EP300: variants seen among roughly 807,000 people sequenced by gnomAD.
EP300 encodes histone acetyltransferase p300.
In EP300, 31 loss-of-function variants were observed where a neutral mutation model predicts 264.0. The observed-to-expected ratio is 0.12, with a 90% confidence interval of 0.09 to 0.16. EP300 has a LOEUF of 0.16. EP300 is among the 10% of genes least tolerant of loss of function. The probability of loss-of-function intolerance (pLI) is 1.00; values close to 1 mark genes in which losing one functional copy is unlikely to be tolerated. For synonymous variants in EP300, 1,340 were observed against 1,045.4 expected (o/e 1.28, Z -5.44); for missense variants, 2,766 against 3,052.9 (o/e 0.91, Z 2.21).
chr22:41,168,341 A>C, intron 23 of EP300, 108 bp from the exon 24 acceptor site: 1 of 1,364,670 alleles, frequency 7.3e-7, no homozygotes, highest in Non-Finnish European at 1.0e-6. Flanking sequence ...AATTTCACCA[A>C]GTTATCCTGT....
chr22:41,113,418 C>T (rs1421809367), intron 1 of EP300, among the ~76,000 whole-genome samples: 1 of 151,894 alleles, frequency 6.6e-6, no homozygotes, highest in African/African-American at 2.4e-5. Flanking sequence ...TTTCCTGTTT[C>T]GTTTATGCTT....
chr22:41,121,473 C>T (rs141687763), intron 2 of EP300, among the ~76,000 whole-genome samples: 1 of 152,092 alleles, frequency 6.6e-6, no homozygotes, highest in Non-Finnish European at 1.5e-5. Flanking sequence ...CTCAGCAGAT[C>T]TGTGTGGGAG....
At chr22:41,174,535 A>G (rs984390239) in intron 29 of EP300, 2 of 152,106 alleles carry the variant, frequency 1.3e-5, no homozygotes, top group African/African-American at 4.8e-5. Context: ...CATCATTTAC[A>G]TTGTTTAGTT....
intron 16 of EP300, 124 bp from the exon 17 acceptor site, chr22:41,154,871 G>A: frequency 2.8e-6 from 2 of 720,692 alleles, no homozygotes; most frequent in Non-Finnish European, 4.9e-6. Flanking sequence ...ATATTTCCAT[G>A]GGGACAGAGT....
intron 1 of EP300, among the ~76,000 whole-genome samples, chr22:41,093,900 A>G (rs986858204): frequency 7.9e-5 from 12 of 152,242 alleles, no homozygotes; most frequent in Admixed American, 1.3e-4. Context: ...AAGAGTTCCA[A>G]TCATGAACTA....
At chr22:41,132,592 A>G (rs552280285) in intron 6 of EP300, among the ~76,000 whole-genome samples, 44 of 152,116 alleles carry the variant, frequency 2.9e-4, no homozygotes, top group Middle Eastern at 3.4e-3. Context: ...CGGCCCAACA[A>G]TCTCTTACAG....
chr22:41,174,502 T>C (rs2059188903), intron 29 of EP300: 1 of 152,224 alleles, frequency 6.6e-6, no homozygotes, highest in Admixed American at 6.5e-5. Context: ...ACAACCCCCT[T>C]CTCAAAACTT....
chr22:41,170,109 A>C (rs2059161376), intron 26 of EP300, among the ~76,000 whole-genome samples: 1 of 152,236 alleles, frequency 6.6e-6, no homozygotes, highest in South Asian at 2.1e-4. Flanking sequence ...TTTGGTCTTA[A>C]CATGCAGACT....
Position 41,176,734 on chromosome 22 carries a change from TC to T in EP300, c.5062-38del, listed in dbSNP as rs775394115. 9 of 1,613,572 alleles carry T rather than the reference TC, an allele frequency of 5.6e-6. No individual in the cohort carries two copies. In the South Asian group the frequency reaches 7.7e-5, roughly 14 times the overall value. On this transcript the variant is annotated intron_variant, in intron 30 of 30. Transcript: ENST00000263253. ...CTAAAATACTTTTGAATGACTTAAA[TC>T]TTGGAGAGTTTACGTGCACCTCCTG... is the stretch of plus-strand genomic sequence containing the variant.
chr22:41,135,769 C>T (rs2145720550), intron 6 of EP300, 44 bp from the exon 7 acceptor site: 1 of 1,353,342 alleles, frequency 7.4e-7, no homozygotes, highest in Admixed American at 1.7e-5. Flanking sequence ...TGTATGGTGG[C>T]TGTTGTATTT....
chr22:41,124,721 C>A (rs1323672752), intron 2 of EP300, among the ~76,000 whole-genome samples: 1 of 152,078 alleles, frequency 6.6e-6, no homozygotes, highest in East Asian at 1.9e-4. Flanking sequence ...AAGTTGAATT[C>A]GCCATGTAGC....
At chr22:41,122,657 ATTAAT>A (rs2058859361) in intron 2 of EP300, among the ~76,000 whole-genome samples, 1 of 152,052 alleles carries the variant, frequency 6.6e-6, no homozygotes, top group East Asian at 1.9e-4. Flanking sequence ...TATAAAGAAG[ATTAAT>A]TTACATTTTT....
intron 6 of EP300, 45 bp from the exon 7 acceptor site, chr22:41,135,768 G>A (rs2145720545): frequency 7.4e-7 from 1 of 1,345,678 alleles, no homozygotes; most frequent in Admixed American, 1.7e-5. Context: ...TTGTATGGTG[G>A]CTGTTGTATT....
intron 1 of EP300, among the ~76,000 whole-genome samples, chr22:41,112,991 A>T (rs921091349): frequency 1.2e-4 from 18 of 152,124 alleles, no homozygotes; most frequent in Admixed American, 1.1e-3. Flanking sequence ...AAATATTTCA[A>T]TGTATATCTT....
intron 16 of EP300, among the ~76,000 whole-genome samples, chr22:41,154,376 CTTTTTTT>C (rs869304891): frequency 8.6e-4 from 53 of 61,788 alleles, no homozygotes; most frequent in South Asian, 2.5e-3. Flanking sequence ...CTTGTGCACT[CTTTTTTT>C]TTTTTTTTTT....
At chr22:41,169,208 T>C (rs1480501136) in intron 25 of EP300, 1 of 544,350 alleles carries the variant, frequency 1.8e-6, no homozygotes, top group Non-Finnish European at 3.3e-6. Flanking sequence ...GAATTTCTTT[T>C]CTCCAAAAAT....
chr22:41,164,067 C>T lies in EP300; in HGVS notation c.3743C>T (p.Thr1248Ile). 2 of 1,614,086 alleles carry T rather than the reference C, an allele frequency of 1.2e-6. No homozygotes were observed. Among genetic ancestry groups the T allele is most frequent in the Non-Finnish European group, 1.7e-6 (2 of 1,179,992 alleles). The change falls in exon 22 of 31, where the codon ACA (threonine) becomes ATA (isoleucine). Residue 1248 changes from threonine to isoleucine, a missense_variant. Thr to Ile is a moderately conservative substitution (Grantham distance 89, BLOSUM62 -1). Coordinates refer to ENST00000263253, the MANE Select transcript of EP300 (RefSeq NM_001429.4). ...TLDPELFVEC[T>I]ECGRKMHQIC... The stretch of plus-strand genomic sequence containing the variant: ...TGCTCTTCCAGGTTTGTTGAATGTA[C>T]AGAGTGCGGAAGAAAGATGCATCAG...
Position 41,117,544 on chromosome 22 carries a change from C to G in EP300, c.452C>G (p.Thr151Arg). The G allele has an allele frequency of 6.2e-7, 1 of 1,614,202 alleles. No homozygotes were observed. Among genetic ancestry groups the G allele is most frequent in the Non-Finnish European group, 8.5e-7 (1 of 1,180,030 alleles). ...SGPNQGPTQS[T>R]GMMNSPVNQP... is the part of the protein sequence containing the mutation. ...CCAAATCAGGGTCCTACGCAGTCAACAGGTATGATGAACAGTCCAGTAAAT... is the reference window on the plus strand; with the variant it reads ...CCAAATCAGGGTCCTACGCAGTCAAGAGGTATGATGAACAGTCCAGTAAAT... Residue 151 changes from threonine (T) to arginine (R), a missense_variant, in exon 2 of 31, where the codon ACA (threonine) becomes AGA (arginine). By Grantham distance (71) the Thr-to-Arg change is moderately conservative. Transcript: ENST00000263253.
intron 1 of EP300, among the ~76,000 whole-genome samples, chr22:41,102,021 TTTC>T (rs1052065072): frequency 5.6e-5 from 8 of 143,906 alleles, no homozygotes; most frequent in South Asian, 4.7e-4. Context: ...GTTGCTTTTT[TTTC>T]TTTTCTTTTT....
Sources: allele counts gnomAD v4.1 joint callset (sites outside exome capture counted in the v4.1 genomes callset), GRCh38; gene constraint gnomAD v4.1.1; transcripts MANE v1.5; gene names NCBI Gene and HGNC (gene_info 2026-07-23, HGNC 2026-07-21).